Variants in GRIK1 observed in about 807,000 individuals in gnomAD.
GRIK1 encodes glutamate receptor ionotropic, kainate 1.
Under a neutral mutation model 105.7 loss-of-function variants are expected in GRIK1, and 69 were observed. The ratio of observed to expected loss-of-function variants is 0.65; its 90% CI spans 0.54 to 0.80. The LOEUF (loss-of-function observed/expected upper bound fraction) is 0.80, where lower values mean the gene tolerates loss of function less well. GRIK1 is among the 30% of genes least tolerant of loss of function. The pLI is 0.00. For synonymous variants in GRIK1, 438 were observed against 431.3 expected (o/e 1.02, Z -0.19); for missense variants, 1,109 against 1,167.3 (o/e 0.95, Z 0.73).
intron 1 of GRIK1, among the ~76,000 whole-genome samples, chr21:29,885,010 G>C (rs1023398709): frequency 6.6e-6 from 1 of 151,924 alleles, no homozygotes; most frequent in Non-Finnish European, 1.5e-5. Flanking sequence ...TTCATTATTG[G>C]AAAAATCTCC....
At chr21:29,583,312 T>C (rs2091061968) in intron 12 of GRIK1, among the ~76,000 whole-genome samples, 1 of 152,184 alleles carries the variant, frequency 6.6e-6, no homozygotes, top group African/African-American at 2.4e-5. Context: ...TGAATACCAA[T>C]ATTAATGAAC....
chr21:29,722,324 A>G (rs1412247178), intron 1 of GRIK1, among the ~76,000 whole-genome samples: 1 of 152,162 alleles, frequency 6.6e-6, no homozygotes, highest in Non-Finnish European at 1.5e-5. Flanking sequence ...TGGGAGGCTG[A>G]GATGGGCAGA....
At chr21:29,692,152 T>C (rs2063596106) in intron 2 of GRIK1, among the ~76,000 whole-genome samples, 1 of 152,190 alleles carries the variant, frequency 6.6e-6, no homozygotes, top group African/African-American at 2.4e-5. Flanking sequence ...GAATTCTGTT[T>C]GCCAGCAAAT....
chr21:29,610,169 A>G lies in GRIK1; in HGVS notation c.1099-11232T>C, dbSNP rs1455801471. Among the ~76,000 whole-genome samples, 4 of 152,202 alleles carry G rather than the reference A, an allele frequency of 2.6e-5. No individual in the cohort carries two copies. In the East Asian group the frequency reaches 7.7e-4, roughly 29 times the overall value. On this transcript the variant is annotated intron_variant, in intron 7 of 17. Transcript: ENST00000327783. ...AGATGTTGGGCACTCAGAGAAATTC[A>G]CCAAAATGTCTAGGTGCTATAGGAA...
At chr21:29,745,967 G>A (rs551332281) in intron 1 of GRIK1, among the ~76,000 whole-genome samples, 1 of 152,268 alleles carries the variant, frequency 6.6e-6, no homozygotes, top group South Asian at 2.1e-4. Flanking sequence ...AGCCAGGTGT[G>A]GTGGCGGGCG....
chr21:29,785,424 C>G (rs2066230845), intron 1 of GRIK1, among the ~76,000 whole-genome samples: 1 of 151,880 alleles, frequency 6.6e-6, no homozygotes, highest in Admixed American at 6.6e-5. Flanking sequence ...ATTACCTGAT[C>G]ATGGTGGTGT....
intron 3 of GRIK1, among the ~76,000 whole-genome samples, chr21:29,680,114 G>A (rs765004626): frequency 2.0e-5 from 3 of 152,094 alleles, no homozygotes; most frequent in Non-Finnish European, 2.9e-5. Flanking sequence ...AGACCCAAAG[G>A]TTGTGCTGGA....
intron 1 of GRIK1, among the ~76,000 whole-genome samples, chr21:29,900,905 A>G (rs1263982467): frequency 1.3e-5 from 2 of 152,220 alleles, no homozygotes; most frequent in Non-Finnish European, 2.9e-5. Flanking sequence ...ACTCCTCAGC[A>G]AATGTAAAAG....
intron 1 of GRIK1, among the ~76,000 whole-genome samples, chr21:29,798,300 T>C (rs78250855): frequency 0.032 from 4,832 of 152,310 alleles, 128 homozygotes; most frequent in Middle Eastern, 0.071. Context: ...ATTTAGGTTT[T>C]ATTGGTGACC....
intron 6 of GRIK1, among the ~76,000 whole-genome samples, chr21:29,649,327 C>T (rs1371702931): frequency 6.6e-6 from 1 of 152,202 alleles, no homozygotes; most frequent in Non-Finnish European, 1.5e-5. Flanking sequence ...TTACTCTACC[C>T]ACTTTTGCAG....
At chr21:29,814,105 A>G (rs2145901746) in intron 1 of GRIK1, among the ~76,000 whole-genome samples, 1 of 145,632 alleles carries the variant, frequency 6.9e-6, no homozygotes, top group East Asian at 2.0e-4. Flanking sequence ...AATAATAATA[A>G]TAATAATAAT....
intron 9 of GRIK1, among the ~76,000 whole-genome samples, chr21:29,592,165 A>G (rs1213985906): frequency 2.6e-5 from 4 of 152,244 alleles, no homozygotes; most frequent in African/African-American, 4.8e-5. Flanking sequence ...AAGCTGGGCA[A>G]AGAGTGCTTG....
intron 1 of GRIK1, among the ~76,000 whole-genome samples, chr21:29,831,141 T>C (rs893928140): frequency 1.3e-5 from 2 of 152,216 alleles, no homozygotes; most frequent in African/African-American, 4.8e-5. Flanking sequence ...TAGATTTTGC[T>C]GAAACACATA....
chr21:29,635,280 A>G (rs1004493456), intron 7 of GRIK1, among the ~76,000 whole-genome samples: 3 of 152,216 alleles, frequency 2.0e-5, no homozygotes, highest in Non-Finnish European at 2.9e-5. Context: ...GTATAAAGGA[A>G]GTGTTCTCCA....
chr21:29,560,362 T>TC (rs2090393035), intron 15 of GRIK1, among the ~76,000 whole-genome samples: 1 of 49,016 alleles, frequency 2.0e-5, no homozygotes, highest in African/African-American at 9.2e-5. Context: ...TTTCTTTTTC[T>TC]TTCTTCCTTC....
chr21:29,782,953 A>C (rs1011086382), intron 1 of GRIK1, among the ~76,000 whole-genome samples: 1 of 152,174 alleles, frequency 6.6e-6, no homozygotes, highest in Non-Finnish European at 1.5e-5. Flanking sequence ...CGTAGGTGTG[A>C]AATTGTTCCA....
intron 1 of GRIK1, among the ~76,000 whole-genome samples, chr21:29,790,793 G>T (rs1428830363): frequency 1.3e-5 from 2 of 152,164 alleles, no homozygotes; most frequent in African/African-American, 2.4e-5. Flanking sequence ...ATGAATGTTT[G>T]GTTGGTGCCC....
chr21:29,772,246 G>C (rs1242300496), intron 1 of GRIK1, among the ~76,000 whole-genome samples: 1 of 151,918 alleles, frequency 6.6e-6, no homozygotes, highest in African/African-American at 2.4e-5. Flanking sequence ...TACAATTTTT[G>C]TTCATTATTG....
chr21:29,865,034 T>C (rs994547840), intron 1 of GRIK1, among the ~76,000 whole-genome samples: 2 of 152,206 alleles, frequency 1.3e-5, no homozygotes, highest in Non-Finnish European at 2.9e-5. Context: ...ATGCCACTCT[T>C]GATAAACCCT....
Sources: allele counts gnomAD v4.1 joint callset (sites outside exome capture counted in the v4.1 genomes callset), GRCh38; gene constraint gnomAD v4.1.1; transcripts MANE v1.5; gene names NCBI Gene and HGNC (gene_info 2026-07-23, HGNC 2026-07-21).